IL1RAPL2: variants seen among roughly 807,000 people sequenced by gnomAD.
IL1RAPL2 encodes the protein interleukin 1 receptor accessory protein like 2.
Under a neutral mutation model 44.1 loss-of-function variants are expected in IL1RAPL2, and 3 were observed. That is an observed-to-expected ratio of 0.07 (90% CI 0.03 to 0.18). The LOEUF (loss-of-function observed/expected upper bound fraction) is 0.18. Among genes scored for constraint, IL1RAPL2 ranks in the 10% least tolerant of loss-of-function variants. The probability of loss-of-function intolerance (pLI) is 1.00; values close to 1 mark genes in which losing one functional copy is unlikely to be tolerated. For synonymous variants in IL1RAPL2, 181 were observed against 178.8 expected, an observed-to-expected ratio of 1.01 and a Z score of -0.10; for missense variants, 391 against 496.4, an observed-to-expected ratio of 0.79 and a Z score of 2.02.
At chrX:105,733,543 A>G (rs1000925819) in intron 7 of IL1RAPL2, among the ~76,000 whole-genome samples, 1 of 110,980 alleles carries the variant, frequency 9.0e-6, no homozygotes, top group African/African-American at 3.3e-5. Context: ...CATTTTTTAC[A>G]TTATTTTTTG....
At chrX:105,149,297 C>A (rs2033205147) in intron 2 of IL1RAPL2, among the ~76,000 whole-genome samples, 1 of 111,409 alleles carries the variant, frequency 9.0e-6, no homozygotes, top group African/African-American at 3.3e-5. Context: ...ATAATAAAAG[C>A]CCTTAAATGA....
intron 5 of IL1RAPL2, among the ~76,000 whole-genome samples, chrX:105,369,744 A>C (rs1322108452): frequency 9.0e-6 from 1 of 111,236 alleles, no homozygotes; most frequent in East Asian, 2.8e-4. Flanking sequence ...TTTAGGAGTG[A>C]GTTGCTGGTA....
At chrX:104,647,253 G>T (rs55944108) in intron 1 of IL1RAPL2, 2 of 380,916 alleles carry the variant, frequency 5.3e-6, no homozygotes, top group African/African-American at 2.5e-5. Context: ...GCTGAGAGCT[G>T]GTATGTGATG....
At chrX:105,602,534 T>G (rs1197694563) in intron 6 of IL1RAPL2, among the ~76,000 whole-genome samples, 1 of 110,921 alleles carries the variant, frequency 9.0e-6, no homozygotes, top group Non-Finnish European at 1.9e-5. Context: ...AAATGATAGT[T>G]TAATACATGA....
intron 2 of IL1RAPL2, among the ~76,000 whole-genome samples, chrX:105,186,410 G>T (rs2033587575): frequency 8.9e-6 from 1 of 111,976 alleles, no homozygotes; most frequent in Admixed American, 9.5e-5. Context: ...TGCATGGAAG[G>T]TGGGAAAAAT....
At position 104,871,461 on chromosome X, in the gene IL1RAPL2, A is replaced by G. The variant is rs1348220470; in HGVS notation, c.82+212466A>G. Among the ~76,000 whole-genome samples, 3 of 111,914 alleles carry G rather than the reference A, an allele frequency of 2.7e-5. No homozygotes were observed. In the Admixed American group the frequency reaches 2.9e-4, roughly 11 times the overall value. On this transcript the variant is annotated intron_variant, in intron 2 of 10. Coordinates refer to ENST00000372582, the MANE Select transcript of IL1RAPL2 (RefSeq NM_017416.2). ...CTTAATTTATTCATTTATCCAATAA[A>G]GGAATTATCTTGTTGATGTTTAAGT...
intron 6 of IL1RAPL2, among the ~76,000 whole-genome samples, chrX:105,535,691 G>T (rs2036671910): frequency 8.9e-6 from 1 of 111,769 alleles, no homozygotes; most frequent in South Asian, 3.7e-4. Flanking sequence ...GTCTCAAAAA[G>T]TTATGTACTT....
At chrX:105,009,420 TA>T (rs1326608451) in intron 2 of IL1RAPL2, among the ~76,000 whole-genome samples, 1 of 108,698 alleles carries the variant, frequency 9.2e-6, no homozygotes, top group African/African-American at 3.4e-5. Flanking sequence ...TATGCAGCCA[TA>T]AAAAAGGATG....
intron 2 of IL1RAPL2, among the ~76,000 whole-genome samples, chrX:104,764,746 T>G (rs761556990): frequency 1.1e-4 from 12 of 112,190 alleles, no homozygotes; most frequent in East Asian, 2.8e-4. Flanking sequence ...CCCATTTTTT[T>G]GGGGGTTTTT....
At chrX:104,989,501 GCATATTTTGC>G (rs2030621739) in intron 2 of IL1RAPL2, among the ~76,000 whole-genome samples, 2 of 111,777 alleles carry the variant, frequency 1.8e-5, no homozygotes, top group South Asian at 7.5e-4. Context: ...TGCATATGTA[GCATATTTTGC>G]TCCCTTGGAC....
At chrX:105,358,003 C>G (rs2035215907) in intron 5 of IL1RAPL2, among the ~76,000 whole-genome samples, 1 of 94,085 alleles carries the variant, frequency 1.1e-5, no homozygotes, top group African/African-American at 4.0e-5. Context: ...CCACTGCACT[C>G]CAGCACCTGG....
chrX:105,000,965 G>GATCCTCC (rs1433127158), intron 2 of IL1RAPL2, among the ~76,000 whole-genome samples: 1 of 111,470 alleles, frequency 9.0e-6, no homozygotes, highest in Non-Finnish European at 1.9e-5. Flanking sequence ...GATCAATCTG[G>GATCCTCC]TTCCTAATCA....
At chrX:104,759,248 C>T (rs1932389351) in intron 2 of IL1RAPL2, among the ~76,000 whole-genome samples, 1 of 112,250 alleles carries the variant, frequency 8.9e-6, no homozygotes, top group Admixed American at 9.4e-5. Context: ...AATCTTGCAT[C>T]TGCTACTTGC....
At chrX:104,844,969 C>A (rs1006677079) in intron 2 of IL1RAPL2, among the ~76,000 whole-genome samples, 2 of 111,700 alleles carry the variant, frequency 1.8e-5, no homozygotes, top group African/African-American at 3.3e-5. Flanking sequence ...TAGAACAGAG[C>A]TAGGGGTAGG....
At chrX:105,665,794 G>A (rs1418597327) in intron 6 of IL1RAPL2, among the ~76,000 whole-genome samples, 3 of 97,550 alleles carry the variant, frequency 3.1e-5, no homozygotes, top group African/African-American at 4.1e-5. Context: ...ATGGAGTCTC[G>A]CTCTGTCGCC....
intron 6 of IL1RAPL2, among the ~76,000 whole-genome samples, chrX:105,717,029 A>G: frequency 9.0e-6 from 1 of 111,725 alleles, no homozygotes; most frequent in Non-Finnish European, 1.9e-5. Flanking sequence ...CTGAGGTGGG[A>G]GGATCACTTG....
rs182900562 is a variant in IL1RAPL2 at position 104,985,383 on chromosome X, C to T, written c.83-210092C>T. 5.6e-3 allele frequency among the ~76,000 whole-genome samples: 632 copies of T among 111,952 alleles called. 3 individuals carry two copies. Among genetic ancestry groups the T allele is most frequent in the African/African-American group, 0.02 (603 of 30,799 alleles). On this transcript the variant is annotated intron_variant, in intron 2 of 10. Coordinates refer to ENST00000372582, the MANE Select transcript of IL1RAPL2 (RefSeq NM_017416.2). ...GGATTGCAGGCATGAGCCACCACGC[C>T]TGGCCTGTTTATCTCATTTTAAATA...
intron 2 of IL1RAPL2, among the ~76,000 whole-genome samples, chrX:105,012,198 T>C (rs1354772282): frequency 9.0e-6 from 1 of 111,241 alleles, no homozygotes; most frequent in Non-Finnish European, 1.9e-5. Flanking sequence ...GATTTACCAG[T>C]GATTAATACA....
intron 2 of IL1RAPL2, among the ~76,000 whole-genome samples, chrX:105,038,049 G>A (rs2031659587): frequency 9.0e-6 from 1 of 111,517 alleles, no homozygotes; most frequent in South Asian, 3.8e-4. Flanking sequence ...GACAGAGAAA[G>A]TAGTCAAAGG....
Sources: allele counts gnomAD v4.1 joint callset (sites outside exome capture counted in the v4.1 genomes callset), GRCh38; gene constraint gnomAD v4.1.1; transcripts MANE v1.5; gene names NCBI Gene and HGNC (gene_info 2026-07-23, HGNC 2026-07-21).